Variants in SEM1 observed in about 807,000 individuals in gnomAD.
SEM1 encodes SEM1 26S proteasome subunit.
In SEM1, 3 loss-of-function variants were observed where a neutral mutation model predicts 12.7. The ratio of observed to expected loss-of-function variants is 0.24; its 90% CI spans 0.11 to 0.61. The LOEUF (loss-of-function observed/expected upper bound fraction) is 0.61, where lower values mean the gene tolerates loss of function less well. Among genes scored for constraint, SEM1 ranks in the 20% least tolerant of loss-of-function variants. The pLI, the probability that SEM1 is intolerant of heterozygous loss-of-function variation, is 0.88. For synonymous variants in SEM1, 30 were observed against 27.8 expected (o/e 1.08, Z -0.25); for missense variants, 59 against 81.3 (o/e 0.73, Z 1.06).
At chr7:96,601,424 C>G (rs1807196936) in intron 2 of SEM1, among the ~76,000 whole-genome samples, 1 of 152,238 alleles carries the variant, frequency 6.6e-6, no homozygotes, top group East Asian at 1.9e-4. Flanking sequence ...TTTGAACAAA[C>G]TCTTGCAGGA....
At chr7:96,674,854 C>G (rs1174713762) in intron 2 of SEM1, among the ~76,000 whole-genome samples, 2 of 151,668 alleles carry the variant, frequency 1.3e-5, no homozygotes, top group Non-Finnish European at 2.9e-5. Context: ...TCAGCAGACT[C>G]TTGACCAAGA....
intron 2 of SEM1, among the ~76,000 whole-genome samples, chr7:96,660,301 T>C (rs1788952876): frequency 6.6e-6 from 1 of 152,046 alleles, no homozygotes; most frequent in Admixed American, 6.6e-5. Flanking sequence ...ATGATATAAA[T>C]CAAAAGTTGA....
chr7:96,701,864 G>C (rs1356804035), intron 1 of SEM1, among the ~76,000 whole-genome samples: 2 of 152,084 alleles, frequency 1.3e-5, no homozygotes, highest in Non-Finnish European at 1.5e-5. Flanking sequence ...CAATTTGAGA[G>C]TATCTGTCAA....
At chr7:96,651,369 G>T (rs559861652) in intron 2 of SEM1, among the ~76,000 whole-genome samples, 2 of 152,134 alleles carry the variant, frequency 1.3e-5, no homozygotes, top group East Asian at 3.9e-4. Flanking sequence ...ATGTGAGGAA[G>T]TTTTTCTGGA....
At chr7:96,505,535 A>G (rs1803728831) in intron 3 of SEM1, among the ~76,000 whole-genome samples, 1 of 152,152 alleles carries the variant, frequency 6.6e-6, no homozygotes, top group Non-Finnish European at 1.5e-5. Flanking sequence ...CACTTACTCA[A>G]AGAGCTATTT....
chr7:96,551,199 A>C (rs2115841257), intron 2 of SEM1, among the ~76,000 whole-genome samples: 1 of 152,288 alleles, frequency 6.6e-6, no homozygotes, highest in South Asian at 2.1e-4. Context: ...GTTTTGAGGA[A>C]GTTTTGGCCA....
intron 1 of SEM1, chr7:96,697,436 T>G (rs190644705): frequency 1.1e-3 from 173 of 152,192 alleles, no homozygotes; most frequent in African/African-American, 4.1e-3. Flanking sequence ...AGAAAATTCT[T>G]TTAATACTTA....
chr7:96,512,191 A>C (rs1333601142), intron 2 of SEM1, among the ~76,000 whole-genome samples: 1 of 152,044 alleles, frequency 6.6e-6, no homozygotes, highest in East Asian at 1.9e-4. Flanking sequence ...TAAGGCCCAT[A>C]TCAGGAAAAT....
chr7:96,538,341 A>G (rs1804852354), intron 2 of SEM1, among the ~76,000 whole-genome samples: 1 of 151,810 alleles, frequency 6.6e-6, no homozygotes, highest in African/African-American at 2.4e-5. Context: ...TCTTCAGACT[A>G]TGTTTGCCTT....
chr7:96,548,397 G>A (rs1214130217), intron 2 of SEM1, among the ~76,000 whole-genome samples: 2 of 152,130 alleles, frequency 1.3e-5, no homozygotes, highest in Non-Finnish European at 2.9e-5. Context: ...CAGACTTGGA[G>A]TAACACATCA....
intron 2 of SEM1, among the ~76,000 whole-genome samples, chr7:96,551,253 C>A (rs1805260518): frequency 1.3e-5 from 2 of 152,072 alleles, no homozygotes; most frequent in East Asian, 1.9e-4. Context: ...AATGGTGCAC[C>A]CTTCCACCCA....
At chr7:96,483,005 G>A (rs547149897) in exon 4 of SEM1, 1 of 152,238 alleles carries the variant, frequency 6.6e-6, no homozygotes, top group African/African-American at 2.4e-5. Flanking sequence ...AGAAAGTTGG[G>A]ATTTTTAGAG....
At chr7:96,538,093 C>A (rs1256435933) in intron 2 of SEM1, among the ~76,000 whole-genome samples, 1 of 151,712 alleles carries the variant, frequency 6.6e-6, no homozygotes, top group Non-Finnish European at 1.5e-5. Context: ...CTTATAAGCC[C>A]ATCAGAGACA....
At chr7:96,604,785 G>T (rs1807295310) in intron 2 of SEM1, among the ~76,000 whole-genome samples, 1 of 152,126 alleles carries the variant, frequency 6.6e-6, no homozygotes, top group Middle Eastern at 3.4e-3. Flanking sequence ...CAGGCATGGT[G>T]GTGCATGCCT....
intron 2 of SEM1, among the ~76,000 whole-genome samples, chr7:96,601,379 G>A (rs1201730859): frequency 1.3e-5 from 2 of 152,268 alleles, no homozygotes; most frequent in East Asian, 1.9e-4. Flanking sequence ...AGGAGGATGG[G>A]GTGGGCTATG....
chr7:96,583,531 G>A (rs1806493704), intron 2 of SEM1, among the ~76,000 whole-genome samples: 2 of 149,428 alleles, frequency 1.3e-5, no homozygotes, highest in Non-Finnish European at 2.9e-5. Flanking sequence ...TATCCTTGTT[G>A]ACTTTCTGTC....
intron 2 of SEM1, among the ~76,000 whole-genome samples, chr7:96,681,304 G>T (rs372041872): frequency 6.6e-6 from 1 of 152,026 alleles, no homozygotes; most frequent in African/African-American, 2.4e-5. Flanking sequence ...TCAACAATGC[G>T]GTGTTTTTTC....
intron 2 of SEM1, among the ~76,000 whole-genome samples, chr7:96,641,129 A>G (rs1808578073): frequency 6.6e-6 from 1 of 151,536 alleles, no homozygotes; most frequent in Non-Finnish European, 1.5e-5. Flanking sequence ...TCTTTCCTTA[A>G]AAATAGGGAG....
chr7:96,542,181 T>C (rs1018489049), intron 2 of SEM1, among the ~76,000 whole-genome samples: 3 of 151,800 alleles, frequency 2.0e-5, no homozygotes, highest in East Asian at 3.9e-4. Context: ...AACCTATGGA[T>C]TGATTTTGGC....
Sources: gnomAD v4.1 joint callset for allele counts (sites outside exome capture counted in the v4.1 genomes callset) on GRCh38, gnomAD v4.1.1 for gene constraint, MANE v1.5 for transcripts, NCBI Gene and HGNC (gene_info 2026-07-23, HGNC 2026-07-21) for gene names.